BCAS3: variants seen among roughly 807,000 people sequenced by gnomAD.
BCAS3 encodes BCAS4/BCAS3 fusion.
In BCAS3, 53 loss-of-function variants were observed where a neutral mutation model predicts 116.1. The ratio of observed to expected loss-of-function variants is 0.46; its 90% CI spans 0.37 to 0.57. BCAS3 has a LOEUF of 0.57. Ranked by LOEUF, BCAS3 falls within the 20% of genes least tolerant of loss-of-function variation. The probability of loss-of-function intolerance (pLI) is 0.00; values close to 1 mark genes in which losing one functional copy is unlikely to be tolerated. For synonymous variants in BCAS3, 391 were observed against 408.2 expected, an observed-to-expected ratio of 0.96 and a Z score of 0.51; for missense variants, 917 against 1,165.4, an observed-to-expected ratio of 0.79 and a Z score of 3.10.
intron 14 of BCAS3, among the ~76,000 whole-genome samples, chr17:60,968,591 C>T (rs182233148): frequency 2.6e-5 from 4 of 151,792 alleles, no homozygotes; most frequent in African/African-American, 9.7e-5. Context: ...ATAGGTGGTA[C>T]CTAAAGCCCA....
rs1033953334 is a variant in BCAS3 at position 61,348,943 on chromosome 17, G to A, written c.2426-19384G>A. Reference sequence around the variant, plus strand: ...AACTTTTTGTATTTTTGGTAGAGATGGGGTTTCACCGTGTTAGCCAGGATG... The same window carrying A: ...AACTTTTTGTATTTTTGGTAGAGATAGGGTTTCACCGTGTTAGCCAGGATG... On this transcript the variant is annotated intron_variant, in intron 22 of 23. Coordinates refer to ENST00000407086, the MANE Select transcript of BCAS3 (RefSeq NM_017679.5). This position sits in a 1 kb window ranked among gnomAD's most constrained non-coding sequence, Gnocchi z 4.5. 2.0e-5 allele frequency among the ~76,000 whole-genome samples: 3 copies of A among 151,766 alleles called. No homozygotes were observed. Among genetic ancestry groups the A allele is most frequent in the Admixed American group, 6.6e-5 (1 of 15,236 alleles).
intron 6 of BCAS3, among the ~76,000 whole-genome samples, chr17:60,774,075 T>C (rs566776243): frequency 4.6e-5 from 7 of 152,208 alleles, no homozygotes; most frequent in Non-Finnish European, 8.8e-5. Flanking sequence ...TATTAAAATA[T>C]TTTCTTTCCT....
intron 9 of BCAS3, among the ~76,000 whole-genome samples, chr17:60,886,084 A>G (rs1321412213): frequency 2.6e-5 from 3 of 115,542 alleles, no homozygotes; most frequent in Non-Finnish European, 5.1e-5. Flanking sequence ...AGGTACACCA[A>G]TCAGACGTAG....
chr17:61,165,391 T>A (rs1317058802), intron 22 of BCAS3, among the ~76,000 whole-genome samples: 1 of 152,234 alleles, frequency 6.6e-6, no homozygotes, highest in Non-Finnish European at 1.5e-5. Context: ...TAAAAGTTAT[T>A]CTACTTTTTT....
chr17:60,880,609 C>T (rs1326520301), intron 9 of BCAS3, among the ~76,000 whole-genome samples: 1 of 152,002 alleles, frequency 6.6e-6, no homozygotes, highest in Non-Finnish European at 1.5e-5. Context: ...TTTATCTGAT[C>T]GTTAGTTGAC....
At position 60,947,343 on chromosome 17, in the gene BCAS3, T is replaced by G. The variant is rs749248929; in HGVS notation, c.1212T>G (p.Thr404=). Reference sequence around the variant, plus strand: ...TGTATACTCTTCACAGGGGAGAAACTGAAGCCAAAGTAAGCTGTATAATTT... The same window carrying G: ...TGTATACTCTTCACAGGGGAGAAACGGAAGCCAAAGTAAGCTGTATAATTT... ...HHLYTLHRGE[T]EAKVQDICFS... is the part of the protein sequence containing the mutation. Residue 404 remains threonine (T), a synonymous_variant, in exon 14 of 24, where the codon ACT becomes ACG. Transcript: ENST00000407086. 6.2e-7 allele frequency: 1 copy of G among 1,613,140 alleles called. No individual in the cohort carries two copies. Among genetic ancestry groups the G allele is most frequent in the Non-Finnish European group, 8.5e-7 (1 of 1,179,548 alleles).
rs2066493889 is a variant in BCAS3, at chr17:61,029,684, A to G, written c.1638-4982A>G. 1.3e-5 allele frequency among the ~76,000 whole-genome samples: 2 copies of G among 151,978 alleles called. No individual in the cohort carries two copies. Among genetic ancestry groups the G allele is most frequent in the Non-Finnish European group, 2.9e-5 (2 of 67,914 alleles). On this transcript the variant is annotated intron_variant, in intron 16 of 23. Transcript: ENST00000407086. The surrounding 1 kb of genome is among the most constrained non-coding windows in gnomAD (Gnocchi z 5.2). ...ATGACAGGTAGACAATGGGTAGTCC[A>G]TATAAGTATATTTCTTCCTCATAAA...
In BCAS3 at chr17:60,796,498, A is replaced by G. The variant is rs530534357; in HGVS notation, c.404-11506A>G. On this transcript the variant is annotated intron_variant, in intron 6 of 23. Transcript: ENST00000407086. Reference sequence around the variant, plus strand: ...TTTATCCGTCTCTTCTAGGTTTTCTAGTTTACGTGCATAAAGGTGTTCATA... The same window carrying G: ...TTTATCCGTCTCTTCTAGGTTTTCTGGTTTACGTGCATAAAGGTGTTCATA... Among the ~76,000 whole-genome samples the G allele has an allele frequency of 1.2e-3, 177 of 152,188 alleles. 2 individuals are homozygous for G. Among genetic ancestry groups the G allele is most frequent in the Non-Finnish European group, 2.0e-3 (138 of 68,010 alleles).
In BCAS3 at chr17:61,307,568, C is replaced by T. The variant is rs1357631908; in HGVS notation, c.2426-60759C>T. 1.3e-5 allele frequency among the ~76,000 whole-genome samples: 2 copies of T among 152,166 alleles called. No homozygotes were observed. The stretch of plus-strand genomic sequence containing the variant: ...TACCTGTGTAAAATAGGAATAATCC[C>T]AATCTTCTCAATGAGATTTTACCAA... On this transcript the variant is annotated intron_variant, in intron 22 of 23. Transcript: ENST00000407086. This position sits in a 1 kb window ranked among gnomAD's most constrained non-coding sequence, Gnocchi z 4.7.
intron 7 of BCAS3, among the ~76,000 whole-genome samples, chr17:60,809,229 C>T (rs1230256173): frequency 2.0e-5 from 3 of 148,612 alleles, no homozygotes; most frequent in Non-Finnish European, 4.4e-5. Context: ...GGTTGCAGTG[C>T]ACCACTGTAC....
Position 61,026,941 on chromosome 17 carries a change from T to C in BCAS3, c.1638-7725T>C. 1 of 1,583,954 alleles carries C rather than the reference T, an allele frequency of 6.3e-7. No homozygotes were observed. The highest frequency in any genetic ancestry group is 8.6e-7 in the Non-Finnish European group (1 of 1,161,334). Reference sequence around the variant, plus strand: ...TTCCAGTTCAGTCCCGCATGCCTCATTCATTTGCTGTACTCTCAAAAAGTA... The same window carrying C: ...TTCCAGTTCAGTCCCGCATGCCTCACTCATTTGCTGTACTCTCAAAAAGTA... On this transcript the variant is annotated intron_variant, in intron 16 of 23. Transcript: ENST00000407086. This position sits in a 1 kb window ranked among gnomAD's most constrained non-coding sequence, Gnocchi z 5.0.
chr17:61,045,058 G>A (rs2067918844), intron 19 of BCAS3, among the ~76,000 whole-genome samples: 1 of 151,984 alleles, frequency 6.6e-6, no homozygotes, highest in African/African-American at 2.4e-5. Flanking sequence ...ACTGTGCCCA[G>A]CATAAAGTCC....
intron 12 of BCAS3, among the ~76,000 whole-genome samples, chr17:60,912,587 AATG>A (rs2058572563): frequency 6.6e-6 from 1 of 152,108 alleles, no homozygotes; most frequent in East Asian, 1.9e-4. Flanking sequence ...TGGTTAGCCA[AATG>A]TGTTACAGAT....
In BCAS3 at chr17:60,892,703, G is replaced by A. The variant is rs530697164; in HGVS notation, c.738+2932G>A. 3.1e-3 allele frequency among the ~76,000 whole-genome samples: 473 copies of A among 151,696 alleles called. 1 individual carries two copies. Among genetic ancestry groups the A allele is most frequent in the Middle Eastern group, 0.017 (5 of 292 alleles). On this transcript the variant is annotated intron_variant, in intron 10 of 23. Coordinates refer to ENST00000407086, the MANE Select transcript of BCAS3 (RefSeq NM_017679.5). The stretch of plus-strand genomic sequence containing the variant: ...TGAGAGGCCGAGGTGGGTGGATCAC[G>A]TGAGGCCAGGAGTTCGAGACCAGCC...
intron 22 of BCAS3, among the ~76,000 whole-genome samples, chr17:61,267,199 A>ATCTCCT (rs2049804634): frequency 6.7e-6 from 1 of 149,458 alleles, no homozygotes; most frequent in African/African-American, 2.5e-5. Flanking sequence ...CTGGGACTAC[A>ATCTCCT]GGCATCTGCC....
At position 61,219,364 on chromosome 17, in the gene BCAS3, G is replaced by A. The variant is rs2081982468; in HGVS notation, c.2425+134800G>A. 6.6e-6 allele frequency among the ~76,000 whole-genome samples: 1 copy of A among 152,298 alleles called. No homozygotes were observed. The highest frequency in any genetic ancestry group is 1.5e-5 in the Non-Finnish European group (1 of 68,030). ...AGTTTTGGGAGTCATGCAGTGATCAGGTTCAGGACTTTTGGGTCAGACTTA... is the reference window on the plus strand; with the variant it reads ...AGTTTTGGGAGTCATGCAGTGATCAAGTTCAGGACTTTTGGGTCAGACTTA... On this transcript the variant is annotated intron_variant, in intron 22 of 23. Coordinates refer to ENST00000407086, the MANE Select transcript of BCAS3 (RefSeq NM_017679.5). This position sits in a 1 kb window ranked among gnomAD's most constrained non-coding sequence, Gnocchi z 5.2.
At chr17:61,342,682 C>T (rs2057248491) in intron 22 of BCAS3, among the ~76,000 whole-genome samples, 2 of 152,094 alleles carry the variant, frequency 1.3e-5, no homozygotes, top group African/African-American at 4.8e-5. Context: ...ATGTGCACCA[C>T]ACTACAGAAA....
rs2065861168 is a variant in BCAS3 at position 61,021,319 on chromosome 17, C to G, written c.1637+5418C>G. ...AAGTGATCCAACTGCCTTAGCCTCC[C>G]AAAGTGCTGGGATTATAGGCATGAG... On this transcript the variant is annotated intron_variant, in intron 16 of 23. Coordinates refer to ENST00000407086, the MANE Select transcript of BCAS3 (RefSeq NM_017679.5). The surrounding 1 kb of genome is among the most constrained non-coding windows in gnomAD (Gnocchi z 4.6). Among the ~76,000 whole-genome samples, 1 of 152,156 alleles carries G rather than the reference C, an allele frequency of 6.6e-6. No homozygotes were observed. The highest frequency in any genetic ancestry group is 1.5e-5 in the Non-Finnish European group (1 of 68,032).
At chr17:61,125,449 T>C (rs1185371173) in intron 22 of BCAS3, among the ~76,000 whole-genome samples, 4 of 152,194 alleles carry the variant, frequency 2.6e-5, no homozygotes, top group African/African-American at 9.6e-5. Context: ...AAATTATTCA[T>C]AGAGTTATGC....
Sources: allele counts gnomAD v4.1 joint callset (sites outside exome capture counted in the v4.1 genomes callset), GRCh38; gene constraint gnomAD v4.1.1; non-coding constraint Gnocchi (gnomAD v3.1); transcripts MANE v1.5; gene names NCBI Gene and HGNC (gene_info 2026-07-23, HGNC 2026-07-21).